KIF18A: variants seen among roughly 807,000 people sequenced by gnomAD.
The protein encoded by KIF18A is kinesin family member 18A.
KIF18A carries 67 observed loss-of-function variants against 103.3 expected under a neutral mutation model. The ratio of observed to expected loss-of-function variants is 0.65; its 90% CI spans 0.53 to 0.79. The LOEUF (loss-of-function observed/expected upper bound fraction) is 0.79, where lower values mean the gene tolerates loss of function less well. Among genes scored for constraint, KIF18A ranks in the 30% least tolerant of loss-of-function variants. KIF18A has a pLI of 0.00. For synonymous variants in KIF18A, 367 were observed against 355.5 expected, an observed-to-expected ratio of 1.03 and a Z score of -0.36; for missense variants, 1,032 against 1,062.5, an observed-to-expected ratio of 0.97 and a Z score of 0.40.
chr11:28,040,302 A>G (rs549878857), intron 13 of KIF18A, among the ~76,000 whole-genome samples: 55 of 151,808 alleles, frequency 3.6e-4, no homozygotes, highest in African/African-American at 1.1e-3. Flanking sequence ...GTCTATGTCT[A>G]TAAAAGAGAT....
At chr11:28,066,826 A>G (rs931509566) in intron 11 of KIF18A, among the ~76,000 whole-genome samples, 1 of 131,708 alleles carries the variant, frequency 7.6e-6, no homozygotes, top group African/African-American at 2.9e-5. Flanking sequence ...ATATTATATT[A>G]TATTATATGA....
At position 28,036,663 on chromosome 11, in the gene KIF18A, G is replaced by A; in HGVS notation, c.1950C>T (p.Cys650=). ...QLGPVQPIPC[C]SSSGGTNLVK... is the part of the protein sequence containing the mutation. ...CCAGATTAGTTCCACCTGAAGATGAGCCTATTCAAAAAAATAAAAAAAGAC... is the reference window on the plus strand; with the variant it reads ...CCAGATTAGTTCCACCTGAAGATGAACCTATTCAAAAAAATAAAAAAAGAC... The change falls in exon 14 of 17, where the codon TGC becomes TGT. Residue 650 remains cysteine (C), a splice_region_variant and synonymous_variant. Transcript: ENST00000263181. 1 of 1,539,804 alleles carries A rather than the reference G, an allele frequency of 6.5e-7. No individual in the cohort carries two copies. The highest frequency in any genetic ancestry group is 1.4e-5 in the African/African-American group (1 of 72,034).
chr11:28,092,617 AC>A (rs1851321218), intron 3 of KIF18A, among the ~76,000 whole-genome samples: 1 of 152,192 alleles, frequency 6.6e-6, no homozygotes, highest in African/African-American at 2.4e-5. Flanking sequence ...AAAGTTTATT[AC>A]TTGCTAACCA....
At chr11:28,102,828 G>A (rs964706497) in intron 1 of KIF18A, among the ~76,000 whole-genome samples, 11 of 152,216 alleles carry the variant, frequency 7.2e-5, no homozygotes, top group African/African-American at 1.9e-4. Context: ...TAATGAGATC[G>A]TTCCTACATT....
At chr11:28,048,252 ATTC>A (rs962311090) in intron 13 of KIF18A, among the ~76,000 whole-genome samples, 9 of 152,230 alleles carry the variant, frequency 5.9e-5, no homozygotes, top group East Asian at 1.9e-4. Context: ...TGATTAAGCT[ATTC>A]TTCTTCTAAG....
At chr11:28,103,639 T>C (rs530604625) in intron 1 of KIF18A, among the ~76,000 whole-genome samples, 2 of 152,082 alleles carry the variant, frequency 1.3e-5, no homozygotes, top group Non-Finnish European at 2.9e-5. Flanking sequence ...GAGAGTCTAG[T>C]ATATAGTAAA....
chr11:28,041,035 T>C lies in KIF18A; in HGVS notation c.1949-4371A>G, dbSNP rs143942952. 1.4e-3 allele frequency among the ~76,000 whole-genome samples: 216 copies of C among 151,884 alleles called. 1 individual carries two copies. In the East Asian group the frequency reaches 0.024, roughly 17 times the overall value. On this transcript the variant is annotated intron_variant, in intron 13 of 16. Coordinates refer to ENST00000263181, the MANE Select transcript of KIF18A (RefSeq NM_031217.4). ...TTTTATTTATGAAAAAAAGTTGTAGTCAGCTATGGTACAAAAGCAACAATC... is the reference window on the plus strand; with the variant it reads ...TTTTATTTATGAAAAAAAGTTGTAGCCAGCTATGGTACAAAAGCAACAATC...
intron 10 of KIF18A, chr11:28,076,355 G>A (rs899014173): frequency 1.3e-5 from 2 of 152,136 alleles, no homozygotes; most frequent in Non-Finnish European, 2.9e-5. Context: ...CTGCATCCAG[G>A]ATAGACTGCT....
chr11:28,088,496 A>G (rs760272241), intron 6 of KIF18A, 28 bp downstream of exon 6: 2 of 1,563,372 alleles, frequency 1.3e-6, no homozygotes, highest in African/African-American at 1.4e-5. Context: ...ATTTCAAACT[A>G]TTTAACAAAT....
chr11:28,088,429 A>G, intron 6 of KIF18A, 95 bp downstream of exon 6: 3 of 1,004,140 alleles, frequency 3.0e-6, no homozygotes, highest in Non-Finnish European at 4.5e-6. Flanking sequence ...AATGTGATAT[A>G]TATCAGACCT....
At chr11:28,101,816 T>C (rs1851449404) in intron 1 of KIF18A, among the ~76,000 whole-genome samples, 1 of 152,136 alleles carries the variant, frequency 6.6e-6, no homozygotes, top group Non-Finnish European at 1.5e-5. Context: ...TTAAGTAACA[T>C]TCCAGGGAGA....
Position 28,077,103 on chromosome 11 carries a change from C to A in KIF18A, c.1329G>T (p.Leu443Phe). The A allele has an allele frequency of 6.3e-7, 1 of 1,575,612 alleles. No individual in the cohort carries two copies. Among genetic ancestry groups the A allele is most frequent in the Non-Finnish European group, 8.6e-7 (1 of 1,166,674 alleles). ...GTTCATTTTCTTTAAGTAACATTTC[C>A]AACTTCAGATATTCTTGTCTAATTT... is the stretch of plus-strand genomic sequence containing the variant. Reference protein sequence around the residue: ...REEIRQEYLKLEMLLKENELK... With the variant: ...REEIRQEYLKFEMLLKENELK... The change falls in exon 10 of 17, where the codon TTG (leucine) becomes TTT (phenylalanine). Residue 443 changes from leucine (L) to phenylalanine (F), a missense_variant. Coordinates refer to ENST00000263181, the MANE Select transcript of KIF18A (RefSeq NM_031217.4).
chr11:28,059,885 AAC>A (rs138080329), intron 12 of KIF18A, among the ~76,000 whole-genome samples: 3 of 151,612 alleles, frequency 2.0e-5, no homozygotes, highest in Non-Finnish European at 4.4e-5. Flanking sequence ...ACAACATTAA[AAC>A]ACACACACAC....
chr11:28,065,834 T>C (rs1417996065), intron 11 of KIF18A, among the ~76,000 whole-genome samples: 2 of 152,054 alleles, frequency 1.3e-5, no homozygotes, highest in Non-Finnish European at 2.9e-5. Context: ...TAAGTTAGGA[T>C]CTTGAGAGGT....
intron 13 of KIF18A, among the ~76,000 whole-genome samples, chr11:28,037,045 G>A (rs1850501979): frequency 6.6e-6 from 1 of 151,462 alleles, no homozygotes; most frequent in African/African-American, 2.4e-5. Flanking sequence ...TAGGCACAGA[G>A]GTTAACACTT....
intron 3 of KIF18A, 58 bp downstream of exon 3, chr11:28,094,585 G>A (rs1248403725): frequency 8.4e-7 from 1 of 1,184,770 alleles, no homozygotes; most frequent in African/African-American, 1.5e-5. Flanking sequence ...AAAATCATTT[G>A]TATGAATCAT....
At position 28,094,556 on chromosome 11, in the gene KIF18A, C is replaced by T. The variant is rs563379454; in HGVS notation, c.483+87G>A. The T allele has an allele frequency of 1.4e-4, 121 of 872,000 alleles. 1 individual carries two copies. The highest frequency in any genetic ancestry group is 1.3e-3 in the East Asian group (51 of 38,360). 54.0% of individuals were successfully genotyped at this position (872,000 alleles called of 1,614,324 possible). A position where few individuals can be genotyped will look rare whatever the true frequency, so the allele number is the denominator to read the frequency against. On this transcript the variant is annotated intron_variant, in intron 3 of 16. Coordinates refer to ENST00000263181, the MANE Select transcript of KIF18A (RefSeq NM_031217.4). ...AATTTTAATGATTTTATATATTCAC[C>T]GGAAAACTCTTATATAATAAAATCA...
chr11:28,094,859 T>C, intron 2 of KIF18A, 59 bp from the exon 3 acceptor site: 15 of 1,420,318 alleles, frequency 1.1e-5, no homozygotes, highest in Non-Finnish European at 1.3e-5. Context: ...CTATTATATC[T>C]ACTATCTAGT....
At chr11:28,031,134 A>G (rs933629522) in intron 15 of KIF18A, among the ~76,000 whole-genome samples, 6 of 152,118 alleles carry the variant, frequency 3.9e-5, no homozygotes, top group South Asian at 2.1e-4. Context: ...CGATTTCTCA[A>G]GGATCTAGAA....
Sources: allele counts gnomAD v4.1 joint callset (sites outside exome capture counted in the v4.1 genomes callset), GRCh38; gene constraint gnomAD v4.1.1; transcripts MANE v1.5; gene names NCBI Gene and HGNC (gene_info 2026-07-23, HGNC 2026-07-21).